The following PSD4 variants were observed in gnomAD, a reference collection of about 807,000 sequenced individuals.
PSD4 encodes the protein PH and SEC7 domain-containing protein 4.
A neutral mutation model predicts 112.5 loss-of-function variants in PSD4; 59 were observed. The observed-to-expected ratio is 0.52, with a 90% CI of 0.43 to 0.65. PSD4 has a LOEUF of 0.65. Ranked by LOEUF, PSD4 falls within the 30% of genes least tolerant of loss-of-function variation. The pLI is 0.00. For synonymous variants in PSD4, 533 were observed against 540.0 expected, an observed-to-expected ratio of 0.99 and a Z score of 0.18; for missense variants, 1,267 against 1,352.6, an observed-to-expected ratio of 0.94 and a Z score of 0.99.
In PSD4 at chr2:113,192,394, C is replaced by T. The variant is rs779774535; in HGVS notation, c.1643C>T (p.Thr548Ile). 4.5e-5 allele frequency: 73 copies of T among 1,614,062 alleles called. No homozygotes were observed. Among genetic ancestry groups the T allele is most frequent in the Non-Finnish European group, 4.5e-5 (53 of 1,180,012 alleles). The change falls in exon 6 of 17, where the codon ACA becomes ATA. Residue 548 changes from threonine to isoleucine, a missense_variant. Thr to Ile is a moderately conservative substitution (Grantham distance 89). This residue lies in a region of PSD4 where 723 missense variants were observed against 704.0 expected (regional missense o/e 1.03). Transcript: ENST00000245796. ...TCTATCTCAAGTGAGAATCTGAGGA[C>T]ACCGATGAACTCTTCTTGGCTTCCT... is the stretch of plus-strand genomic sequence containing the variant. ...LTSAEHENLR[T>I]PMNSSWLPGS...
rs2104495107 is a variant in PSD4 at position 113,183,184 on chromosome 2, G to A, written c.728G>A (p.Ser243Asn). ...SSPQWGAEEE[S>N]MFFSNPLFLA... ...CCACAGTGGGGAGCTGAGGAGGAGA[G>A]CATGTTCTTCAGCAACCCCCTCTTC... The change falls in exon 2 of 17, where the codon AGC becomes AAC. Residue 243 changes from serine (S) to asparagine (N), a missense_variant. By Grantham distance (46) the Ser-to-Asn change is conservative. Around this residue, in one of 2 missense-constraint regions of PSD4, gnomAD observed 723 missense variants for 704.0 expected, o/e 1.03. Coordinates refer to ENST00000245796, the MANE Select transcript of PSD4 (RefSeq NM_012455.3). The A allele has an allele frequency of 6.2e-7, 1 of 1,614,212 alleles. No individual in the cohort carries two copies. The highest frequency in any genetic ancestry group is 1.3e-5 in the African/African-American group (1 of 75,036).
intron 1 of PSD4, among the ~76,000 whole-genome samples, chr2:113,178,966 T>C (rs918888151): frequency 1.3e-5 from 2 of 152,272 alleles, no homozygotes; most frequent in African/African-American, 4.8e-5. Flanking sequence ...CTGGTACCTG[T>C]AAACCAGGTG....
chr2:113,202,216 G>C lies in PSD4; in HGVS notation c.*801G>C, dbSNP rs1173108439. 1 of 152,500 alleles carries C rather than the reference G, an allele frequency of 6.6e-6. No individual in the cohort carries two copies. The highest frequency in any genetic ancestry group is 1.5e-5 in the Non-Finnish European group (1 of 68,262). 9.4% of individuals were successfully genotyped at this position (152,500 alleles called of 1,614,324 possible). A position where few individuals can be genotyped will look rare whatever the true frequency, so the allele number is the denominator to read the frequency against. The stretch of plus-strand genomic sequence containing the variant: ...CTCCAGAGCTTTGCAGGGAACCCTG[G>C]AACCCTAGGAACAAGGAGCCTTTGT... On this transcript the variant is annotated 3_prime_UTR_variant, in exon 17 of 17. Transcript: ENST00000245796.
intron 15 of PSD4, 41 bp from the exon 16 acceptor site, chr2:113,199,042 G>A: frequency 6.6e-7 from 1 of 1,511,456 alleles, no homozygotes; most frequent in Non-Finnish European, 8.8e-7. Flanking sequence ...GCGGCGGAGG[G>A]GACGCCCGGG....
In PSD4 at chr2:113,193,922, G is replaced by A. The variant is rs778404030; in HGVS notation, c.2155G>A (p.Gly719Arg). 1.6e-5 allele frequency: 26 copies of A among 1,614,022 alleles called. No homozygotes were observed. Among genetic ancestry groups the A allele is most frequent in the African/African-American group, 2.7e-5 (2 of 74,902 alleles). Residue 719 changes from glycine to arginine, a missense_variant, in exon 10 of 17, where the codon GGG (glycine) becomes AGG (arginine). Gly to Arg is a moderately radical substitution (Grantham distance 125, BLOSUM62 -2). Around this residue, in one of 2 missense-constraint regions of PSD4, gnomAD observed 544 missense variants for 648.6 expected, o/e 0.84. Coordinates refer to ENST00000245796, the MANE Select transcript of PSD4 (RefSeq NM_012455.3). ...ITNLNGLRDGGNFPKELLKAL... is the reference protein window; with the variant it reads ...ITNLNGLRDGRNFPKELLKAL... Reference sequence around the variant, plus strand: ...CAACCTGAATGGGCTGAGGGATGGCGGGAACTTCCCCAAGGAGCTGCTGAA... The same window carrying A: ...CAACCTGAATGGGCTGAGGGATGGCAGGAACTTCCCCAAGGAGCTGCTGAA...
At position 113,182,558 on chromosome 2, in the gene PSD4, G is replaced by T. The variant is rs1688167526; in HGVS notation, c.102G>T (p.Arg34Ser). The T allele has an allele frequency of 6.2e-7, 1 of 1,614,064 alleles. No individual in the cohort carries two copies. ...AGCCCCACCCAGGAGAGTGCCCAAG[G>T]GAAACGTGCAGCCATGAGGATCCAC... ...SLEPHPGECP[R>S]ETCSHEDPPE... is the part of the protein sequence containing the mutation. Residue 34 changes from arginine (R) to serine (S), a missense_variant, in exon 2 of 17, where the codon AGG becomes AGT. Arg to Ser is a moderately radical substitution (Grantham distance 110). Coordinates refer to ENST00000245796, the MANE Select transcript of PSD4 (RefSeq NM_012455.3).
chr2:113,185,459 G>A lies in PSD4; in HGVS notation c.1249+19G>A, dbSNP rs763584508. On this transcript the variant is annotated intron_variant, in intron 4 of 16. Coordinates refer to ENST00000245796, the MANE Select transcript of PSD4 (RefSeq NM_012455.3). Reference sequence around the variant, plus strand: ...GACAGAGGTGAGCCCTAATAAGGGGGTTTGGGAAATTGGGTCCTGGGAGGA... The same window carrying A: ...GACAGAGGTGAGCCCTAATAAGGGGATTTGGGAAATTGGGTCCTGGGAGGA... The A allele has an allele frequency of 9.3e-6, 15 of 1,614,044 alleles. No homozygotes were observed. The highest frequency in any genetic ancestry group is 1.6e-4 in the Middle Eastern group (1 of 6,084).
rs544726619 is a variant in PSD4 at position 113,208,655 on chromosome 2, C to G, written c.*7240C>G. The G allele has an allele frequency of 7.9e-5, 12 of 152,274 alleles. No homozygotes were observed. Among genetic ancestry groups the G allele is most frequent in the African/African-American group, 2.9e-4 (12 of 41,536 alleles). 9.4% of individuals were successfully genotyped at this position (152,274 alleles called of 1,614,324 possible). On this transcript the variant is annotated 3_prime_UTR_variant, in exon 17 of 17. Transcript: ENST00000245796. ...GTGACACAGGTTCAGGAGGAGGTAC[C>G]CAGACACAGAAGAGATGCTTTCCCT...
chr2:113,175,578 A>G (rs1687952912), intron 1 of PSD4, among the ~76,000 whole-genome samples: 1 of 152,128 alleles, frequency 6.6e-6, no homozygotes, highest in Non-Finnish European at 1.5e-5. Flanking sequence ...GGGACAGGAC[A>G]GGTCACCTCC....
intron 1 of PSD4, 150 bp from the exon 2 acceptor site, chr2:113,182,196 T>G: frequency 2.3e-6 from 1 of 428,558 alleles, no homozygotes; most frequent in Non-Finnish European, 4.2e-6. Context: ...TGTGGTACAC[T>G]CCTTACTCCC....
chr2:113,202,109 T>C lies in PSD4; in HGVS notation c.*694T>C, dbSNP rs1688792043. On this transcript the variant is annotated 3_prime_UTR_variant, in exon 17 of 17. Coordinates refer to ENST00000245796, the MANE Select transcript of PSD4 (RefSeq NM_012455.3). ...TCCTTGTGTCTCCTTTCCCCCGAAG[T>C]AGATGAAACAGTCTCACATACCCAA... 2 of 150,800 alleles carry C rather than the reference T, an allele frequency of 1.3e-5. No individual in the cohort carries two copies. Among genetic ancestry groups the C allele is most frequent in the African/African-American group, 4.9e-5 (2 of 40,594 alleles). 9.3% of individuals were successfully genotyped at this position (150,800 alleles called of 1,614,324 possible).
rs1688588385 is a variant in PSD4, at chr2:113,195,720, G to T, written c.2182-7G>T. On this transcript the variant is annotated splice_polypyrimidine_tract_variant and splice_region_variant and intron_variant, in intron 10 of 16. Coordinates refer to ENST00000245796, the MANE Select transcript of PSD4 (RefSeq NM_012455.3). ...CTCCCCTGCCCACCTGTGTGCTTCT[G>T]TTCCAGGCCCTCTACTGGTCTATCC... is the stretch of plus-strand genomic sequence containing the variant. The T allele has an allele frequency of 6.2e-7, 1 of 1,614,174 alleles. No homozygotes were observed. The highest frequency in any genetic ancestry group is 1.7e-5 in the Admixed American group (1 of 60,020).
intron 10 of PSD4, among the ~76,000 whole-genome samples, chr2:113,194,934 G>A (rs1018370679): frequency 5.9e-5 from 9 of 152,114 alleles, no homozygotes; most frequent in South Asian, 2.1e-4. Flanking sequence ...GCTAGGCACC[G>A]CAAGAGCTAT....
intron 2 of PSD4, among the ~76,000 whole-genome samples, chr2:113,184,627 C>A (rs1173413473): frequency 6.6e-6 from 1 of 152,142 alleles, no homozygotes; most frequent in South Asian, 2.1e-4. Flanking sequence ...AACACCTGGG[C>A]GTCCCAGAGT....
At chr2:113,177,651 A>C (rs886819959) in intron 1 of PSD4, among the ~76,000 whole-genome samples, 1 of 151,016 alleles carries the variant, frequency 6.6e-6, no homozygotes, top group Non-Finnish European at 1.5e-5. Context: ...TGATCTTTAA[A>C]TTTCAAATCC....
At chr2:113,200,072 T>G (rs1688732751) in intron 16 of PSD4, among the ~76,000 whole-genome samples, 1 of 152,172 alleles carries the variant, frequency 6.6e-6, no homozygotes, top group Admixed American at 6.5e-5. Context: ...GTGGTCTGCC[T>G]GCCTCAGCCT....
At chr2:113,197,149 G>A in intron 12 of PSD4, 1 of 287,268 alleles carries the variant, frequency 3.5e-6, no homozygotes, top group South Asian at 3.2e-5. Flanking sequence ...CCAAAGCTGG[G>A]CTCTGCGCCC....
rs1688784729 is a variant in PSD4 at position 113,201,797 on chromosome 2, GGT to G, written c.*386_*387del. On this transcript the variant is annotated 3_prime_UTR_variant, in exon 17 of 17. Coordinates refer to ENST00000245796, the MANE Select transcript of PSD4 (RefSeq NM_012455.3). ...CTTGTTTGAGAACCAGTGCTTATGTGGTGTGCCCTTGGCTTCTGGGGGAGAGC... is the reference window on the plus strand; with the variant it reads ...CTTGTTTGAGAACCAGTGCTTATGTGGTGCCCTTGGCTTCTGGGGGAGAGC... 1 of 222,168 alleles carries G rather than the reference GGT, an allele frequency of 4.5e-6. No homozygotes were observed. Among genetic ancestry groups the G allele is most frequent in the East Asian group, 1.2e-4 (1 of 8,444 alleles). The allele number at this position is 222,168 out of a possible 1,614,324, so 13.8% of individuals were successfully genotyped here. A position where few individuals can be genotyped will look rare whatever the true frequency, so the allele number is the denominator to read the frequency against.
intron 5 of PSD4, among the ~76,000 whole-genome samples, chr2:113,188,377 G>A (rs1006866714): frequency 8.5e-5 from 13 of 152,054 alleles, no homozygotes; most frequent in African/African-American, 3.1e-4. Flanking sequence ...CCGAGTAGCT[G>A]GGATTACAGG....
Sources: allele counts gnomAD v4.1 joint callset (sites outside exome capture counted in the v4.1 genomes callset), GRCh38; gene constraint gnomAD v4.1.1; regional missense constraint gnomAD v4.1.1; transcripts MANE v1.5; gene names NCBI Gene and HGNC (gene_info 2026-07-23, HGNC 2026-07-21).